ZBBX: variants seen among roughly 807,000 people sequenced by gnomAD.
ZBBX encodes zinc finger B-box domain-containing protein 1.
ZBBX carries 101 observed loss-of-function variants against 108.5 expected under a neutral mutation model. That is an observed-to-expected ratio of 0.93 (90% CI 0.79 to 1.10). The LOEUF (loss-of-function observed/expected upper bound fraction) is 1.10. Among genes scored for constraint, ZBBX ranks in the 50% least tolerant of loss-of-function variants. The pLI is 0.00. For missense variants in ZBBX, 1,009 were observed against 941.4 expected (o/e 1.07, Z -0.94); for synonymous variants, 356 against 323.4 (o/e 1.10, Z -1.08).
chr3:167,330,873 GAA>G lies in ZBBX; in HGVS notation c.688-2759_688-2758del, dbSNP rs1170051935. On this transcript the variant is annotated intron_variant, in intron 10 of 21. Coordinates refer to ENST00000675490, the MANE Select transcript of ZBBX (RefSeq NM_001199201.2). ...AGGAGGAGGAGGAGGAGGAGGAGGA[GAA>G]GAAGAAGAAGAAGAAGAAGAAGAAG... Among the ~76,000 whole-genome samples the G allele has an allele frequency of 1.2e-3, 109 of 89,670 alleles. 1 individual carries two copies. The highest frequency in any genetic ancestry group is 1.9e-3 in the Admixed American group (16 of 8,640). 58.8% of individuals were successfully genotyped at this position (89,670 alleles called of 152,430 possible). A position where few individuals can be genotyped will look rare whatever the true frequency, so the allele number is the denominator to read the frequency against.
At chr3:167,340,345 C>T (rs1188374154) in intron 9 of ZBBX, among the ~76,000 whole-genome samples, 2 of 151,956 alleles carry the variant, frequency 1.3e-5, no homozygotes, top group Non-Finnish European at 2.9e-5. Flanking sequence ...TATCATAGAC[C>T]TATGGCAGGA....
At chr3:167,288,455 T>G (rs1730099304) in intron 19 of ZBBX, among the ~76,000 whole-genome samples, 1 of 152,168 alleles carries the variant, frequency 6.6e-6, no homozygotes, top group South Asian at 2.1e-4. Context: ...CATCTTAACC[T>G]AAGTCAATCA....
intron 9 of ZBBX, among the ~76,000 whole-genome samples, chr3:167,348,250 G>A (rs1334988930): frequency 4.7e-5 from 6 of 127,654 alleles, no homozygotes; most frequent in Non-Finnish European, 6.8e-5. Flanking sequence ...AGGGAGGGAG[G>A]GAGGGTGGAA....
the ZBBX span, among the ~76,000 whole-genome samples, chr3:167,219,287 A>G: frequency 5.9e-5 from 9 of 152,180 alleles, no homozygotes; most frequent in East Asian, 1.9e-4. Context: ...GATCTAATAG[A>G]TATTTACGGA....
intron 2 of ZBBX, among the ~76,000 whole-genome samples, chr3:167,379,399 C>T (rs1359743384): frequency 1.3e-5 from 2 of 152,142 alleles, no homozygotes; most frequent in African/African-American, 4.8e-5. Flanking sequence ...GAACTACTTT[C>T]AAACAATTCA....
chr3:167,240,892 C>T lies in ZBBX; in HGVS notation c.2421G>A (p.Gln807=), dbSNP rs375097819. The part of the protein sequence containing the change: ...LSCSGRDTKI[Q]SLLSLSESST... ...TGCTCTCAGAAAGTGACAGCAAAGA[C>T]TGAATTTTGGTATCTCTTCCAGAAC... Residue 807 remains glutamine, a synonymous_variant, in exon 22 of 22, where the codon CAG becomes CAA. Transcript: ENST00000675490. 21 of 1,613,290 alleles carry T rather than the reference C, an allele frequency of 1.3e-5. No homozygotes were observed. The highest frequency in any genetic ancestry group is 1.4e-5 in the Non-Finnish European group (16 of 1,179,500).
At chr3:167,201,633 C>T in the ZBBX span, among the ~76,000 whole-genome samples, 1 of 152,064 alleles carries the variant, frequency 6.6e-6, no homozygotes, top group African/African-American at 2.4e-5. Context: ...AACTGGCTAA[C>T]TTTTCATGTA....
chr3:167,267,607 T>C (rs1725773954), intron 20 of ZBBX, among the ~76,000 whole-genome samples: 1 of 152,188 alleles, frequency 6.6e-6, no homozygotes, highest in African/African-American at 2.4e-5. Flanking sequence ...GGTCCACTCC[T>C]CAAGCCCTCA....
intron 21 of ZBBX, 83 bp downstream of exon 21, chr3:167,242,420 CTA>C (rs570469314): frequency 1.7e-6 from 2 of 1,166,316 alleles, no homozygotes; most frequent in South Asian, 3.5e-5. Flanking sequence ...GACAATCTTT[CTA>C]TATATAATAA....
At chr3:167,282,161 T>TA in intron 20 of ZBBX, 77 bp downstream of exon 20, 3 of 1,420,202 alleles carry the variant, frequency 2.1e-6, no homozygotes, top group Non-Finnish European at 1.9e-6. Context: ...CTTGTTTTGT[T>TA]AGCGCAAGAT....
chr3:167,312,294 C>T lies in ZBBX; in HGVS notation c.1417+1680G>A, dbSNP rs537252233. Among the ~76,000 whole-genome samples the T allele has an allele frequency of 2.6e-5, 4 of 152,200 alleles. No homozygotes were observed. In the East Asian group the frequency reaches 7.7e-4, roughly 29 times the overall value. On this transcript the variant is annotated intron_variant, in intron 16 of 21. Coordinates refer to ENST00000675490, the MANE Select transcript of ZBBX (RefSeq NM_001199201.2). ...GGAGTTGGTCAGAGAGAGGGATAAA[C>T]AGGTGGGGCACAGAGAATTTTTAGG...
chr3:167,331,710 C>T, intron 10 of ZBBX: 2 of 701,706 alleles, frequency 2.9e-6, no homozygotes, highest in Non-Finnish European at 3.5e-6. Flanking sequence ...TTTGAAGACG[C>T]ACATAGAAAT....
At chr3:167,260,561 G>C (rs538902589) in intron 20 of ZBBX, among the ~76,000 whole-genome samples, 2 of 152,198 alleles carry the variant, frequency 1.3e-5, no homozygotes, top group African/African-American at 4.8e-5. Flanking sequence ...GTTGGATTGG[G>C]TTAATTTAAA....
At chr3:167,180,830 T>G in the ZBBX span, among the ~76,000 whole-genome samples, 3 of 152,234 alleles carry the variant, frequency 2.0e-5, no homozygotes, top group East Asian at 5.8e-4. Flanking sequence ...TTTTTTGGAA[T>G]CATAGCAGGA....
intron 20 of ZBBX, among the ~76,000 whole-genome samples, chr3:167,276,065 G>T (rs1159316601): frequency 6.6e-6 from 1 of 152,028 alleles, no homozygotes. Flanking sequence ...TGCAGCTGAG[G>T]GTCCTGTCTG....
At chr3:167,204,744 T>A in the ZBBX span, among the ~76,000 whole-genome samples, 10 of 152,058 alleles carry the variant, frequency 6.6e-5, no homozygotes, top group Non-Finnish European at 1.2e-4. Context: ...TATACTCATT[T>A]GGGTATATAC....
At chr3:167,366,979 G>A (rs1745421713) in intron 5 of ZBBX, 1 of 451,120 alleles carries the variant, frequency 2.2e-6, no homozygotes, top group African/African-American at 2.0e-5. Context: ...TATTAGAGGG[G>A]GTATGTATAT....
intron 17 of ZBBX, among the ~76,000 whole-genome samples, chr3:167,303,295 C>G (rs1733035619): frequency 6.6e-6 from 1 of 152,108 alleles, no homozygotes; most frequent in Non-Finnish European, 1.5e-5. Context: ...TCAACAATCC[C>G]TACAATGATC....
At chr3:167,197,119 C>T in the ZBBX span, among the ~76,000 whole-genome samples, 1 of 152,152 alleles carries the variant, frequency 6.6e-6, no homozygotes, top group African/African-American at 2.4e-5. Context: ...CATTTGGTGA[C>T]AAAGAGGCAT....
Sources: gnomAD v4.1 joint callset for allele counts (sites outside exome capture counted in the v4.1 genomes callset) on GRCh38, gnomAD v4.1.1 for gene constraint, MANE v1.5 for transcripts, NCBI Gene and HGNC (gene_info 2026-07-23, HGNC 2026-07-21) for gene names.